The following NLK variants were observed in gnomAD, a reference collection of about 807,000 sequenced individuals.
The protein encoded by NLK is nemo like kinase.
A neutral mutation model predicts 59.0 loss-of-function variants in NLK; 11 were observed. The observed-to-expected ratio is 0.19, with a 90% CI of 0.12 to 0.31. The LOEUF is 0.31. Among genes scored for constraint, NLK ranks in the 10% least tolerant of loss-of-function variants. The probability of loss-of-function intolerance (pLI) is 1.00; values close to 1 mark genes in which losing one functional copy is unlikely to be tolerated. For synonymous variants in NLK, 235 were observed against 235.9 expected, an observed-to-expected ratio of 1.00 and a Z score of 0.03; for missense variants, 410 against 661.1, an observed-to-expected ratio of 0.62 and a Z score of 4.16.
At chr17:28,048,390 C>T (rs1909135070) in intron 1 of NLK, 1 of 154,936 alleles carries the variant, frequency 6.5e-6, no homozygotes, top group Non-Finnish European at 1.4e-5. Context: ...GAAAAAAAGA[C>T]AGTTTTTTTT....
At chr17:28,117,568 C>A (rs1356873944) in intron 1 of NLK, among the ~76,000 whole-genome samples, 1 of 152,072 alleles carries the variant, frequency 6.6e-6, no homozygotes, top group Non-Finnish European at 1.5e-5. Flanking sequence ...CTCTTTCAGT[C>A]AAATATAGAT....
intron 1 of NLK, among the ~76,000 whole-genome samples, chr17:28,078,048 T>C (rs1190753775): frequency 1.3e-5 from 2 of 152,048 alleles, no homozygotes; most frequent in Non-Finnish European, 2.9e-5. Context: ...AAAAAAAAAG[T>C]GCTATCGATT....
intron 7 of NLK, among the ~76,000 whole-genome samples, chr17:28,183,289 CAG>C (rs1288972442): frequency 2.0e-5 from 3 of 152,146 alleles, no homozygotes; most frequent in African/African-American, 7.2e-5. Context: ...TAGTGAAGGT[CAG>C]GGGTCATTAC....
chr17:28,185,591 C>T (rs1031876956), intron 8 of NLK, among the ~76,000 whole-genome samples: 2 of 152,106 alleles, frequency 1.3e-5, no homozygotes, highest in African/African-American at 2.4e-5. Context: ...CTCTGTCACC[C>T]AGGCTGGAGT....
At chr17:28,057,923 A>G (rs1230626958) in intron 1 of NLK, among the ~76,000 whole-genome samples, 1 of 152,208 alleles carries the variant, frequency 6.6e-6, no homozygotes, top group African/African-American at 2.4e-5. Context: ...AAAGGCTGAA[A>G]TCATCACTGT....
the NLK span, among the ~76,000 whole-genome samples, chr17:28,203,075 C>T: frequency 6.6e-6 from 1 of 151,836 alleles, no homozygotes; most frequent in African/African-American, 2.4e-5. Context: ...GAAAAGAAAG[C>T]TATGGGGGTT....
At chr17:28,189,012 C>T (rs1475905661) in intron 8 of NLK, among the ~76,000 whole-genome samples, 2 of 151,792 alleles carry the variant, frequency 1.3e-5, no homozygotes, top group African/African-American at 2.4e-5. Flanking sequence ...CACACACACA[C>T]GCTGAACATC....
chr17:28,086,646 A>C (rs937986490), intron 1 of NLK, among the ~76,000 whole-genome samples: 1 of 151,898 alleles, frequency 6.6e-6, no homozygotes, highest in African/African-American at 2.4e-5. Context: ...TTTTTTTTCA[A>C]GATCTCATGA....
chr17:28,091,549 T>C (rs1904495832), intron 1 of NLK, among the ~76,000 whole-genome samples: 1 of 151,860 alleles, frequency 6.6e-6, no homozygotes, highest in Admixed American at 6.6e-5. Flanking sequence ...TCTTATAGCT[T>C]CTGTTGCTTC....
intron 1 of NLK, among the ~76,000 whole-genome samples, 187 bp from the exon 2 acceptor site, chr17:28,122,416 A>G (rs946331256): frequency 6.6e-6 from 1 of 152,154 alleles, no homozygotes; most frequent in Non-Finnish European, 1.5e-5. Flanking sequence ...GGGTGACCAA[A>G]CATTCTCTTT....
intron 1 of NLK, among the ~76,000 whole-genome samples, chr17:28,073,596 C>T (rs1470777040): frequency 1.3e-5 from 2 of 152,082 alleles, no homozygotes; most frequent in Admixed American, 1.3e-4. Context: ...TAGGAATTAC[C>T]TCTAGCTCTT....
rs1905003022 is a variant in NLK at position 28,104,358 on chromosome 17, G to A, written c.459-18245G>A. Among the ~76,000 whole-genome samples, 4 of 152,008 alleles carry A rather than the reference G, an allele frequency of 2.6e-5. No individual in the cohort carries two copies. In the South Asian group the frequency reaches 8.3e-4, roughly 32 times the overall value. On this transcript the variant is annotated intron_variant, in intron 1 of 10. Transcript: ENST00000407008. Reference sequence around the variant, plus strand: ...CAACATCCGCCTCCCGGGTTCAAGCGAATTCTCCTTCCTTAGCCTCCTGAG... The same window carrying A: ...CAACATCCGCCTCCCGGGTTCAAGCAAATTCTCCTTCCTTAGCCTCCTGAG...
At chr17:28,075,505 G>C (rs560263255) in intron 1 of NLK, among the ~76,000 whole-genome samples, 22 of 152,322 alleles carry the variant, frequency 1.4e-4, no homozygotes, top group South Asian at 8.3e-4. Context: ...TGTACAGTTT[G>C]TGCCTCAGGT....
chr17:28,123,770 T>A (rs1906174181), intron 2 of NLK, among the ~76,000 whole-genome samples: 1 of 152,220 alleles, frequency 6.6e-6, no homozygotes, highest in South Asian at 2.1e-4. Flanking sequence ...GACAGAACTT[T>A]CCTTCAATTA....
intron 2 of NLK, among the ~76,000 whole-genome samples, chr17:28,130,543 C>G (rs530774450): frequency 2.5e-4 from 38 of 152,120 alleles, no homozygotes; most frequent in Non-Finnish European, 5.4e-4. Flanking sequence ...AAAGCCTCAT[C>G]AAATATGGAG....
intron 3 of NLK, among the ~76,000 whole-genome samples, chr17:28,143,479 G>A (rs182336924): frequency 1.7e-3 from 257 of 150,246 alleles, no homozygotes; most frequent in Admixed American, 3.6e-3. Context: ...AATGAAAAAA[G>A]AATGATTAAG....
chr17:28,098,675 CT>C lies in NLK; in HGVS notation c.459-23904del, dbSNP rs781294029. Among the ~76,000 whole-genome samples, 590 of 67,602 alleles carry C rather than the reference CT, an allele frequency of 8.7e-3. 1 individual carries two copies. The highest frequency in any genetic ancestry group is 0.026 in the African/African-American group (424 of 16,066). The allele number at this position is 67,602 out of a possible 152,430, so 44.3% of individuals were successfully genotyped here. ...CTATGAAAAGTTTTTCATTACCATTCTTTTTTTTTTTTTTTTTTTTTTTTGA... is the reference window on the plus strand; with the variant it reads ...CTATGAAAAGTTTTTCATTACCATTCTTTTTTTTTTTTTTTTTTTTTTTGA... On this transcript the variant is annotated intron_variant, in intron 1 of 10. Transcript: ENST00000407008.
intron 1 of NLK, among the ~76,000 whole-genome samples, chr17:28,106,150 A>C (rs1597683448): frequency 6.6e-6 from 1 of 152,228 alleles, no homozygotes; most frequent in Non-Finnish European, 1.5e-5. Flanking sequence ...CTCACTCTAC[A>C]TATTTTATTG....
chr17:28,138,235 A>C (rs1306531387), intron 3 of NLK, among the ~76,000 whole-genome samples: 2 of 152,254 alleles, frequency 1.3e-5, no homozygotes, highest in Non-Finnish European at 2.9e-5. Flanking sequence ...GGAAAAGCTT[A>C]TTTTTAACTT....
Sources: gnomAD v4.1 joint callset for allele counts (sites outside exome capture counted in the v4.1 genomes callset) on GRCh38, gnomAD v4.1.1 for gene constraint, MANE v1.5 for transcripts, NCBI Gene and HGNC (gene_info 2026-07-23, HGNC 2026-07-21) for gene names.